Variants in PTPRD observed in about 807,000 individuals in gnomAD.
PTPRD encodes the protein protein tyrosine phosphatase receptor type D, also known as receptor-type tyrosine-protein phosphatase delta.
PTPRD carries 34 observed loss-of-function variants against 214.5 expected under a neutral mutation model. That is an observed-to-expected ratio of 0.16 (90% confidence interval 0.12 to 0.21). The LOEUF (loss-of-function observed/expected upper bound fraction) is 0.21, where lower values mean the gene tolerates loss of function less well. Among genes scored for constraint, PTPRD ranks in the 10% least tolerant of loss-of-function variants. PTPRD has a pLI of 1.00. For missense variants in PTPRD, 2,545 were observed against 2,398.7 expected (o/e 1.06, Z -1.27); for synonymous variants, 1,128 against 845.7 (o/e 1.33, Z -5.79).
At chr9:8,882,756 G>C (rs2098456878) in intron 11 of PTPRD, among the ~76,000 whole-genome samples, 1 of 151,844 alleles carries the variant, frequency 6.6e-6, no homozygotes, top group African/African-American at 2.4e-5. Context: ...ATGGTGGTGG[G>C]TGCCTGCAGT....
chr9:9,733,189 G>A lies in PTPRD; in HGVS notation c.-287+1344C>T, dbSNP rs12683078. On this transcript the variant is annotated intron_variant, in intron 7 of 45. Transcript: ENST00000381196. ...ATTTTAATGTCAACTTATTCTTCAC[G>A]TATCTTGCAGGACTCAAATATAAGG... Among the ~76,000 whole-genome samples the A allele has an allele frequency of 1.1e-3, 165 of 152,220 alleles. No individual in the cohort carries two copies. The East Asian group carries it at 0.025, about 23-fold the overall frequency.
intron 9 of PTPRD, among the ~76,000 whole-genome samples, chr9:9,240,803 A>G (rs1463820138): frequency 6.6e-6 from 1 of 152,168 alleles, no homozygotes; most frequent in Non-Finnish European, 1.5e-5. Context: ...ATTTTATGCC[A>G]CAGAAACAAC....
At chr9:9,916,825 G>A (rs574790005) in intron 5 of PTPRD, among the ~76,000 whole-genome samples, 16 of 151,898 alleles carry the variant, frequency 1.1e-4, no homozygotes, top group African/African-American at 3.9e-4. Context: ...GACATGTTAG[G>A]ACACCAAACA....
intron 39 of PTPRD, among the ~76,000 whole-genome samples, chr9:8,371,000 G>C (rs2134386433): frequency 6.6e-6 from 1 of 152,200 alleles, no homozygotes; most frequent in Middle Eastern, 3.4e-3. Context: ...GGCCTCTTCA[G>C]TTGGCAAGAA....
Position 9,178,934 on chromosome 9 carries a change from G to C in PTPRD, c.-143+4370C>G, listed in dbSNP as rs541338593. ...TACCTGGGACTGTCAAATTAATACT[G>C]TAATCAAAGATCTCTTTTAGAGACC... On this transcript the variant is annotated intron_variant, in intron 10 of 45. Coordinates refer to ENST00000381196, the MANE Select transcript of PTPRD (RefSeq NM_002839.4). Among the ~76,000 whole-genome samples, 13 of 152,076 alleles carry C rather than the reference G, an allele frequency of 8.5e-5. No homozygotes were observed. In the South Asian group the frequency reaches 2.7e-3, roughly 32 times the overall value.
intron 4 of PTPRD, among the ~76,000 whole-genome samples, chr9:9,946,176 T>C (rs1586746535): frequency 7.0e-6 from 1 of 143,670 alleles, no homozygotes; most frequent in East Asian, 2.2e-4. Flanking sequence ...CTTTGTGGTT[T>C]TCTTCTTCAC....
At chr9:10,389,845 T>A (rs1165212717) in intron 2 of PTPRD, among the ~76,000 whole-genome samples, 2 of 151,856 alleles carry the variant, frequency 1.3e-5, no homozygotes, top group Non-Finnish European at 2.9e-5. Flanking sequence ...GAGATCCTTC[T>A]TTTTTTCTTA....
chr9:9,116,394 A>T (rs1353686767), intron 10 of PTPRD, among the ~76,000 whole-genome samples: 1 of 152,106 alleles, frequency 6.6e-6, no homozygotes, highest in East Asian at 1.9e-4. Context: ...ACATGTTCTC[A>T]CTCATAAGTG....
At chr9:9,787,370 C>T (rs920001614) in intron 5 of PTPRD, among the ~76,000 whole-genome samples, 10 of 146,442 alleles carry the variant, frequency 6.8e-5, no homozygotes, top group South Asian at 2.1e-4. Context: ...TGACATATAA[C>T]GCATTGACAA....
chr9:8,479,522 A>G (rs1165140376), intron 30 of PTPRD, among the ~76,000 whole-genome samples: 2 of 152,242 alleles, frequency 1.3e-5, no homozygotes, highest in Non-Finnish European at 2.9e-5. Flanking sequence ...CGGAAAGTGC[A>G]TAAATAAAAC....
rs374135800 is a variant in PTPRD, at chr9:9,891,845, CA to C, written c.-368+46661del. ...TTAAGTCATAAGATTTAGATTTTAT[CA>C]AAGTATTTTATACATAATTTCAGCT... On this transcript the variant is annotated intron_variant, in intron 5 of 45. Transcript: ENST00000381196. Among the ~76,000 whole-genome samples the C allele has an allele frequency of 3.9e-5, 6 of 152,154 alleles. No individual in the cohort carries two copies. In the East Asian group the frequency reaches 5.8e-4, roughly 15 times the overall value.
intron 37 of PTPRD, among the ~76,000 whole-genome samples, chr9:8,377,676 T>C (rs2083666231): frequency 6.6e-6 from 1 of 152,018 alleles, no homozygotes; most frequent in African/African-American, 2.4e-5. Flanking sequence ...AGAAAGCTCC[T>C]AGCAGTATTT....
At chr9:9,854,010 C>A (rs561017674) in intron 5 of PTPRD, among the ~76,000 whole-genome samples, 15 of 152,092 alleles carry the variant, frequency 9.9e-5, no homozygotes, top group Admixed American at 3.3e-4. Flanking sequence ...TGAGAACATT[C>A]AAAAACCTCT....
chr9:9,241,076 C>A (rs775940682), intron 9 of PTPRD, among the ~76,000 whole-genome samples: 2 of 152,000 alleles, frequency 1.3e-5, no homozygotes, highest in Non-Finnish European at 2.9e-5. Flanking sequence ...ATTTTGTGAA[C>A]GTGCTCATCG....
chr9:9,923,708 A>T, intron 5 of PTPRD, among the ~76,000 whole-genome samples: 1 of 152,008 alleles, frequency 6.6e-6, no homozygotes, highest in East Asian at 1.9e-4. Flanking sequence ...GAAAATGCTC[A>T]ATCAGATGGA....
At chr9:8,384,940 G>C (rs146050761) in intron 37 of PTPRD, among the ~76,000 whole-genome samples, 6 of 152,302 alleles carry the variant, frequency 3.9e-5, no homozygotes, top group Non-Finnish European at 7.3e-5. Context: ...AGTCTTCTCA[G>C]TTAAGATTGG....
At chr9:8,318,967 A>G (rs1824476208) in intron 45 of PTPRD, among the ~76,000 whole-genome samples, 1 of 152,070 alleles carries the variant, frequency 6.6e-6, no homozygotes, top group Admixed American at 6.6e-5. Context: ...ATGGTTGGTA[A>G]TGCAAAATAA....
chr9:8,706,389 C>G (rs773003525), intron 12 of PTPRD, among the ~76,000 whole-genome samples: 1 of 152,144 alleles, frequency 6.6e-6, no homozygotes, highest in South Asian at 2.1e-4. Flanking sequence ...TAAAAAGCAA[C>G]TTTTCAGACT....
intron 11 of PTPRD, among the ~76,000 whole-genome samples, chr9:8,752,777 C>T (rs909792609): frequency 3.3e-5 from 5 of 152,016 alleles, no homozygotes; most frequent in Admixed American, 2.0e-4. Context: ...AGAGTAAGTC[C>T]AATCATGATC....
Sources: allele counts gnomAD v4.1 joint callset (sites outside exome capture counted in the v4.1 genomes callset), GRCh38; gene constraint gnomAD v4.1.1; transcripts MANE v1.5; gene names NCBI Gene and HGNC (gene_info 2026-07-23, HGNC 2026-07-21).